Variants in RGS6 observed in about 807,000 individuals in gnomAD.
RGS6 encodes regulator of G protein signaling 6.
A neutral mutation model predicts 78.5 loss-of-function variants in RGS6; 30 were observed. That is an observed-to-expected ratio of 0.38 (90% CI 0.29 to 0.52). The LOEUF is 0.52. Among genes scored for constraint, RGS6 ranks in the 20% least tolerant of loss-of-function variants. RGS6 has a pLI of 0.85. For missense variants in RGS6, 495 were observed against 609.7 expected (o/e 0.81, Z 1.98); for synonymous variants, 206 against 206.0 (o/e 1.00, Z 0.00).
chr14:71,891,970 A>G, the RGS6 span, among the ~76,000 whole-genome samples: 126,310 of 152,132 alleles, frequency 0.83, 52,640 homozygotes, highest in African/African-American at 0.85. Flanking sequence ...AATGTCTGTC[A>G]TGAAATGTTA....
At chr14:72,269,572 T>TTC (rs1366731258) in intron 2 of RGS6, among the ~76,000 whole-genome samples, 3 of 41,024 alleles carry the variant, frequency 7.3e-5, no homozygotes, top group African/African-American at 3.1e-4. Context: ...CTTAAATTTT[T>TTC]TTTTTTTTTT....
intron 17 of RGS6, among the ~76,000 whole-genome samples, chr14:72,556,987 G>A (rs2097587297): frequency 6.6e-6 from 1 of 152,116 alleles, no homozygotes; most frequent in Non-Finnish European, 1.5e-5. Flanking sequence ...GTTGAGGAAG[G>A]TTGCCAAGGC....
intron 2 of RGS6, among the ~76,000 whole-genome samples, chr14:72,101,990 CAA>C (rs1392496975): frequency 6.6e-6 from 1 of 152,156 alleles, no homozygotes; most frequent in African/African-American, 2.4e-5. Context: ...AGGTTGAAGA[CAA>C]GAGCAGCCGA....
At chr14:72,555,857 G>A (rs2097567920) in intron 17 of RGS6, among the ~76,000 whole-genome samples, 1 of 152,170 alleles carries the variant, frequency 6.6e-6, no homozygotes, top group East Asian at 1.9e-4. Context: ...TGGTCCATCA[G>A]CAGGTGGCTG....
At chr14:72,397,351 G>C (rs528261999) in intron 3 of RGS6, among the ~76,000 whole-genome samples, 1 of 151,960 alleles carries the variant, frequency 6.6e-6, no homozygotes, top group South Asian at 2.1e-4. Flanking sequence ...CTCTCTGTTT[G>C]TCTGTTATTG....
intron 2 of RGS6, among the ~76,000 whole-genome samples, chr14:72,207,751 T>A (rs2043043178): frequency 6.6e-6 from 1 of 152,232 alleles, no homozygotes; most frequent in Non-Finnish European, 1.5e-5. Context: ...TTCCATCTCT[T>A]GTTTTTGCCA....
chr14:71,871,365 C>G, the RGS6 span, among the ~76,000 whole-genome samples: 1 of 152,156 alleles, frequency 6.6e-6, no homozygotes, highest in Non-Finnish European at 1.5e-5. Context: ...GCCAAACTGC[C>G]TCCCGAGGTT....
At chr14:72,158,531 G>A (rs1163556286) in intron 2 of RGS6, among the ~76,000 whole-genome samples, 1 of 151,998 alleles carries the variant, frequency 6.6e-6, no homozygotes, top group Non-Finnish European at 1.5e-5. Flanking sequence ...GTAATTACAG[G>A]ATATTTTAAG....
chr14:72,617,228 T>C, the RGS6 span, among the ~76,000 whole-genome samples: 1 of 152,204 alleles, frequency 6.6e-6, no homozygotes, highest in Admixed American at 6.5e-5. Context: ...AGTTTGGGGT[T>C]TCGGACTTGC....
chr14:72,177,971 T>C (rs2097128354), intron 2 of RGS6, among the ~76,000 whole-genome samples: 1 of 152,186 alleles, frequency 6.6e-6, no homozygotes. Context: ...TGAGCCTCTT[T>C]TCTTCCTCCC....
chr14:72,111,640 A>G (rs1184459661), intron 2 of RGS6, among the ~76,000 whole-genome samples: 1 of 152,078 alleles, frequency 6.6e-6, no homozygotes, highest in Non-Finnish European at 1.5e-5. Flanking sequence ...TCTGTTAGTC[A>G]CTCCACTCCA....
intron 2 of RGS6, among the ~76,000 whole-genome samples, chr14:72,011,233 T>C (rs1316453931): frequency 6.6e-6 from 1 of 152,222 alleles, no homozygotes; most frequent in Admixed American, 6.5e-5. Flanking sequence ...CATCTAATTT[T>C]TTACAATTTT....
intron 2 of RGS6, among the ~76,000 whole-genome samples, chr14:72,062,653 T>G (rs1002788844): frequency 1.3e-5 from 2 of 152,222 alleles, no homozygotes; most frequent in African/African-American, 4.8e-5. Context: ...CTGATGATGC[T>G]ATTTTCTCAG....
chr14:71,972,323 A>G (rs2093861323), intron 2 of RGS6, among the ~76,000 whole-genome samples: 2 of 146,276 alleles, frequency 1.4e-5, no homozygotes, highest in South Asian at 4.6e-4. Flanking sequence ...CTCTACTTCT[A>G]CTAGCCAGGG....
chr14:72,379,367 A>ACTC (rs2085490916), intron 3 of RGS6, among the ~76,000 whole-genome samples: 1 of 152,146 alleles, frequency 6.6e-6, no homozygotes, highest in Non-Finnish European at 1.5e-5. Flanking sequence ...AGGGCATCCA[A>ACTC]ATTGGAAAGG....
At chr14:71,940,342 C>T (rs1388802900) in intron 1 of RGS6, among the ~76,000 whole-genome samples, 1 of 152,184 alleles carries the variant, frequency 6.6e-6, no homozygotes, top group Non-Finnish European at 1.5e-5. Flanking sequence ...CCCAGCCTCC[C>T]CTTTGTCCAA....
At chr14:72,124,555 T>C (rs1337441643) in intron 2 of RGS6, among the ~76,000 whole-genome samples, 1 of 152,242 alleles carries the variant, frequency 6.6e-6, no homozygotes, top group Non-Finnish European at 1.5e-5. Context: ...ATTTGAAATA[T>C]AATTTAATCT....
At chr14:72,060,695 T>C (rs1337543181) in intron 2 of RGS6, among the ~76,000 whole-genome samples, 2 of 152,196 alleles carry the variant, frequency 1.3e-5, no homozygotes, top group Non-Finnish European at 2.9e-5. Flanking sequence ...ATTAGAAGCA[T>C]TGCCAAGGAC....
chr14:71,900,130 G>T, the RGS6 span, among the ~76,000 whole-genome samples: 1 of 152,178 alleles, frequency 6.6e-6, no homozygotes, highest in Admixed American at 6.5e-5. Context: ...TTTGGGAAAA[G>T]GAGAGAAGCA....
Sources: gnomAD v4.1 joint callset for allele counts (sites outside exome capture counted in the v4.1 genomes callset) on GRCh38, gnomAD v4.1.1 for gene constraint, MANE v1.5 for transcripts, NCBI Gene and HGNC (gene_info 2026-07-23, HGNC 2026-07-21) for gene names.